CIB4: variants seen among roughly 807,000 people sequenced by gnomAD.
The protein encoded by CIB4 is calcium and integrin binding family member 4, also known as calcium and integrin-binding family member 4.
CIB4 carries 25 observed loss-of-function variants against 25.8 expected under a neutral mutation model. The observed-to-expected ratio is 0.97, with a 90% confidence interval of 0.71 to 1.35. The LOEUF (loss-of-function observed/expected upper bound fraction) is 1.35, where lower values mean the gene tolerates loss of function less well. Ranked by LOEUF, CIB4 falls within the 40% of genes most tolerant of loss-of-function variation. The pLI is 0.00. For synonymous variants in CIB4, 75 were observed against 81.4 expected (o/e 0.92, Z 0.42); for missense variants, 235 against 228.2 (o/e 1.03, Z -0.19).
At chr2:26,617,219 G>A (rs1390849488) in intron 3 of CIB4, among the ~76,000 whole-genome samples, 1 of 152,008 alleles carries the variant, frequency 6.6e-6, no homozygotes, top group East Asian at 1.9e-4. Context: ...GGAACAGTTG[G>A]GGAAACTGGG....
intron 2 of CIB4, among the ~76,000 whole-genome samples, chr2:26,632,358 T>C (rs1462812168): frequency 6.6e-6 from 1 of 152,092 alleles, no homozygotes; most frequent in African/African-American, 2.4e-5. Context: ...TGGAACGGGT[T>C]GGGGGAGAGA....
chr2:26,624,856 T>TATATA (rs1439617883), intron 3 of CIB4, among the ~76,000 whole-genome samples: 6 of 149,682 alleles, frequency 4.0e-5, no homozygotes, highest in African/African-American at 1.5e-4. Flanking sequence ...ATATATATAT[T>TATATA]TTTTTTATAT....
intron 2 of CIB4, among the ~76,000 whole-genome samples, chr2:26,630,571 T>C (rs925877596): frequency 2.0e-5 from 3 of 151,900 alleles, no homozygotes; most frequent in Non-Finnish European, 4.4e-5. Context: ...GGTGGTGGGG[T>C]CACCACAGGC....
chr2:26,595,371 T>C (rs1213506067), intron 3 of CIB4, 54 bp from the exon 4 acceptor site: 9 of 1,572,330 alleles, frequency 5.7e-6, no homozygotes, highest in Non-Finnish European at 7.8e-6. Context: ...GGGCTGTGTC[T>C]CCCTGGGTCT....
At chr2:26,605,472 G>A (rs930920965) in intron 3 of CIB4, 1 of 470,366 alleles carries the variant, frequency 2.1e-6, no homozygotes, top group South Asian at 1.6e-5. Context: ...TGACTTGGAC[G>A]CCACAGGTAG....
rs187575399 is a variant in CIB4 at position 26,612,024 on chromosome 2, G to A, written c.187-16707C>T. Among the ~76,000 whole-genome samples, 8 of 152,274 alleles carry A rather than the reference G, an allele frequency of 5.3e-5. No individual in the cohort carries two copies. The East Asian group carries it at 1.2e-3, about 22-fold the overall frequency. ...TTTTATTTTATTGGTGTCATACTAC[G>A]TTAACAATAAATAAAAAGCAAATTA... On this transcript the variant is annotated intron_variant, in intron 3 of 6. Transcript: ENST00000288861.
intron 3 of CIB4, among the ~76,000 whole-genome samples, chr2:26,615,405 C>G (rs571729665): frequency 6.0e-4 from 91 of 152,282 alleles, no homozygotes; most frequent in African/African-American, 2.1e-3. Flanking sequence ...CCAGGATGCC[C>G]TGGGAGAGCG....
chr2:26,606,746 T>C (rs1668897790), intron 3 of CIB4, among the ~76,000 whole-genome samples: 1 of 152,086 alleles, frequency 6.6e-6, no homozygotes, highest in Non-Finnish European at 1.5e-5. Context: ...GGAGGCATCT[T>C]TCCTGCTAAT....
intron 3 of CIB4, among the ~76,000 whole-genome samples, chr2:26,624,769 TG>T (rs1042741498): frequency 6.7e-6 from 1 of 149,974 alleles, no homozygotes. Flanking sequence ...GGATGGTTAA[TG>T]GGTACACACA....
chr2:26,604,539 A>C (rs1349601807), intron 3 of CIB4, among the ~76,000 whole-genome samples: 1 of 152,196 alleles, frequency 6.6e-6, no homozygotes, highest in Non-Finnish European at 1.5e-5. Context: ...GAGAAAGAAA[A>C]AAGTCTCTTA....
chr2:26,632,673 G>A (rs973111229), intron 2 of CIB4, among the ~76,000 whole-genome samples: 3 of 151,716 alleles, frequency 2.0e-5, no homozygotes, highest in Non-Finnish European at 4.4e-5. Context: ...CAGGAGAATC[G>A]CTTGAACTCG....
intron 4 of CIB4, among the ~76,000 whole-genome samples, chr2:26,589,953 G>A (rs937982015): frequency 6.6e-6 from 1 of 152,126 alleles, no homozygotes; most frequent in Non-Finnish European, 1.5e-5. Flanking sequence ...TGACTATGAG[G>A]ATAATGGTCC....
At chr2:26,601,961 G>A (rs913544044) in intron 3 of CIB4, among the ~76,000 whole-genome samples, 1 of 152,214 alleles carries the variant, frequency 6.6e-6, no homozygotes. Flanking sequence ...ACAGATCATA[G>A]CTGTCAGTGG....
chr2:26,592,836 C>T (rs1046859197), intron 4 of CIB4, among the ~76,000 whole-genome samples: 2 of 152,112 alleles, frequency 1.3e-5, no homozygotes, highest in Admixed American at 1.3e-4. Context: ...GCTGAGATTT[C>T]CTATCTTTTC....
At position 26,583,802 on chromosome 2, in the gene CIB4, T is replaced by C; in HGVS notation, c.425A>G (p.Asp142Gly). ...CCCAGCACACACGTGGTTCGTGAGG[T>C]CCATCAGGAGGTCCTCAGACATGTC... ...SDDMSEDLLM[D>G]LTNHVLSESD... is the part of the protein sequence containing the mutation. The change falls in exon 5 of 7, where the codon GAC becomes GGC. Residue 142 changes from aspartate (D) to glycine (G), a missense_variant. Transcript: ENST00000288861. 1 of 1,603,930 alleles carries C rather than the reference T, an allele frequency of 6.2e-7. No homozygotes were observed. Among genetic ancestry groups the C allele is most frequent in the Non-Finnish European group, 8.5e-7 (1 of 1,171,686 alleles).
intron 3 of CIB4, among the ~76,000 whole-genome samples, chr2:26,625,585 C>T (rs1669288378): frequency 6.6e-6 from 1 of 152,230 alleles, no homozygotes; most frequent in Admixed American, 6.5e-5. Flanking sequence ...CTCCCAACCT[C>T]AGGTGATCCA....
At chr2:26,617,147 T>TGTGTGTGTGTGTGTGTGTGTGTGTGTGC (rs10665609) in intron 3 of CIB4, among the ~76,000 whole-genome samples, 1 of 150,412 alleles carries the variant, frequency 6.6e-6, no homozygotes, top group African/African-American at 2.5e-5. Context: ...TGTGTGTGTG[T>TGTGTGTGTGTGTGTGTGTGTGTGTGTGC]GCACGTGAGC....
chr2:26,610,602 A>AT (rs1246948295), intron 3 of CIB4, among the ~76,000 whole-genome samples: 1 of 152,214 alleles, frequency 6.6e-6, no homozygotes, highest in Non-Finnish European at 1.5e-5. Flanking sequence ...TTACCTTGGC[A>AT]TTTATTAAGT....
chr2:26,597,491 G>A (rs1419115677), intron 3 of CIB4, among the ~76,000 whole-genome samples: 1 of 149,926 alleles, frequency 6.7e-6, no homozygotes, highest in Non-Finnish European at 1.5e-5. Context: ...CTTAAAGCAA[G>A]ATTTCAAAGA....
Sources: gnomAD v4.1 joint callset for allele counts (sites outside exome capture counted in the v4.1 genomes callset) on GRCh38, gnomAD v4.1.1 for gene constraint, MANE v1.5 for transcripts, NCBI Gene and HGNC (gene_info 2026-07-23, HGNC 2026-07-21) for gene names.